Variants in KLHDC8A observed in about 807,000 individuals in gnomAD.
The protein encoded by KLHDC8A is kelch domain-containing protein 8A.
A neutral mutation model predicts 33.1 loss-of-function variants in KLHDC8A; 21 were observed. That is an observed-to-expected ratio of 0.64 (90% CI 0.45 to 0.91). The LOEUF is 0.91. Among genes scored for constraint, KLHDC8A ranks in the 40% least tolerant of loss-of-function variants. The pLI, the probability that KLHDC8A is intolerant of heterozygous loss-of-function variation, is 0.00. For missense variants in KLHDC8A, 435 were observed against 483.3 expected (o/e 0.90, Z 0.94); for synonymous variants, 173 against 193.5 (o/e 0.89, Z 0.88).
intron 1 of KLHDC8A, among the ~76,000 whole-genome samples, 166 bp downstream of exon 1, chr1:205,356,367 G>A (rs1663274925): frequency 6.6e-6 from 1 of 152,064 alleles, no homozygotes; most frequent in Non-Finnish European, 1.5e-5. Flanking sequence ...GAGAGGCCCA[G>A]CTGAGGAGAA....
intron 1 of KLHDC8A, among the ~76,000 whole-genome samples, chr1:205,353,745 ACACG>A (rs1441192710): frequency 6.6e-6 from 1 of 152,192 alleles, no homozygotes; most frequent in Non-Finnish European, 1.5e-5. Context: ...TGTTAAGTTG[ACACG>A]GCAATATCTA....
In KLHDC8A at chr1:205,351,601, T is replaced by TA. The variant is rs1558690257; in HGVS notation, c.-190+4931_-190+4932insT. ...TTTGTTAAATAAACTTCTGTAATAGTCAAAAAAAAAAAAAAAAAAAAGAGG... is the reference window on the plus strand; with the variant it reads ...TTTGTTAAATAAACTTCTGTAATAGTACAAAAAAAAAAAAAAAAAAAAGAGG... On this transcript the variant is annotated intron_variant, in intron 1 of 5. Transcript: ENST00000367155. The TA allele has an allele frequency of 3.8e-3, 972 of 258,044 alleles. 3 individuals carry two copies. The highest frequency in any genetic ancestry group is 6.1e-3 in the South Asian group (166 of 27,078). The allele number at this position is 258,044 out of a possible 1,614,324, so 16.0% of individuals were successfully genotyped here.
rs571306937 is a variant in KLHDC8A at position 205,339,132 on chromosome 1, T to C, written c.757+62A>G. ...AGATGGCTGGAATAGGGGTAAGGGA[T>C]GGGGAGCCAGCCAGAAGGGCAGTGG... is the stretch of plus-strand genomic sequence containing the variant. On this transcript the variant is annotated intron_variant, in intron 4 of 5. Coordinates refer to ENST00000367155, the MANE Select transcript of KLHDC8A (RefSeq NM_018203.3). The surrounding 1 kb of genome is among the most constrained non-coding windows in gnomAD (Gnocchi z 5.1). The C allele has an allele frequency of 2.1e-4, 298 of 1,420,708 alleles. 1 individual carries two copies. In the African/African-American group the frequency reaches 4.0e-3, roughly 19 times the overall value. 88.0% of individuals were successfully genotyped at this position (1,420,708 alleles called of 1,614,324 possible). A position where few individuals can be genotyped will look rare whatever the true frequency, so the allele number is the denominator to read the frequency against.
intron 1 of KLHDC8A, among the ~76,000 whole-genome samples, chr1:205,356,156 T>TAA (rs1663269253): frequency 6.6e-6 from 1 of 151,494 alleles, no homozygotes; most frequent in South Asian, 2.1e-4. Flanking sequence ...ATCCAGGGTT[T>TAA]ACCTCCCACG....
Position 205,343,755 on chromosome 1 carries a change from C to T in KLHDC8A, c.-151G>A, listed in dbSNP as rs1354447805. ...AGACCCCGGCCAGTGCTTCACCGTG[C>T]CCCGAGTCTCAGCGGTCCGGCGGCG... On this transcript the variant is annotated 5_prime_UTR_variant, in exon 2 of 6. Coordinates refer to ENST00000367155, the MANE Select transcript of KLHDC8A (RefSeq NM_018203.3). The T allele has an allele frequency of 4.7e-6, 4 of 842,698 alleles. No homozygotes were observed. The highest frequency in any genetic ancestry group is 3.5e-5 in the African/African-American group (2 of 56,764). The allele number at this position is 842,698 out of a possible 1,614,324, so 52.2% of individuals were successfully genotyped here. A position where few individuals can be genotyped will look rare whatever the true frequency, so the allele number is the denominator to read the frequency against.
chr1:205,347,312 G>A (rs1283998358), intron 1 of KLHDC8A, among the ~76,000 whole-genome samples: 7 of 152,176 alleles, frequency 4.6e-5, no homozygotes, highest in African/African-American at 9.7e-5. Context: ...CCCTATTCTA[G>A]TGTGTAACCA....
At chr1:205,337,802 G>A (rs1407830617) in intron 5 of KLHDC8A, among the ~76,000 whole-genome samples, 2 of 152,090 alleles carry the variant, frequency 1.3e-5, no homozygotes, top group Non-Finnish European at 2.9e-5. Context: ...CTCTTTAAGA[G>A]TAAGCTTTCT....
intron 1 of KLHDC8A, chr1:205,351,126 TC>T (rs1412423637): frequency 6.0e-5 from 39 of 655,444 alleles, no homozygotes; most frequent in Non-Finnish European, 8.6e-5. Context: ...CCCCGAAGAT[TC>T]CTCTTGTTTC....
chr1:205,342,243 T>G (rs1230340092), intron 2 of KLHDC8A, among the ~76,000 whole-genome samples: 4 of 152,240 alleles, frequency 2.6e-5, no homozygotes, highest in Non-Finnish European at 4.4e-5. Context: ...TGTTAGTTCT[T>G]AATCTTTCAA....
chr1:205,343,178 T>G (rs765507509), intron 2 of KLHDC8A, 51 bp downstream of exon 2: 1 of 1,533,158 alleles, frequency 6.5e-7, no homozygotes, highest in Non-Finnish European at 8.8e-7. Flanking sequence ...GTTTCCCTCC[T>G]GGCCCCCCAC....
At position 205,338,594 on chromosome 1, in the gene KLHDC8A, C is replaced by T; in HGVS notation, c.760G>A (p.Gly254Arg). Reference protein sequence around the residue: ...TMDVFDMEQGGWLKMERSFFL... With the variant: ...TMDVFDMEQGRWLKMERSFFL... ...AACGATCGTTCCATCTTCAGCCATCCCCCTATAGGCCATGGATAATGGTGG... is the reference window on the plus strand; with the variant it reads ...AACGATCGTTCCATCTTCAGCCATCTCCCTATAGGCCATGGATAATGGTGG... The change falls in exon 5 of 6, where the codon GGA becomes AGA. Residue 254 changes from glycine (G) to arginine (R), a missense_variant and splice_region_variant. Gly to Arg is a moderately radical substitution (Grantham distance 125). Coordinates refer to ENST00000367155, the MANE Select transcript of KLHDC8A (RefSeq NM_018203.3). 1 of 1,613,436 alleles carries T rather than the reference C, an allele frequency of 6.2e-7. No homozygotes were observed. Among genetic ancestry groups the T allele is most frequent in the Non-Finnish European group, 8.5e-7 (1 of 1,179,414 alleles).
At chr1:205,355,145 GTT>G (rs1663231933) in intron 1 of KLHDC8A, among the ~76,000 whole-genome samples, 2 of 152,142 alleles carry the variant, frequency 1.3e-5, no homozygotes, top group African/African-American at 2.4e-5. Context: ...TTATTCCAGT[GTT>G]CACAGTGTCA....
rs1340581208 is a variant in KLHDC8A, at chr1:205,339,733, A to T, written c.452T>A (p.Leu151Gln). ...PHNHLQHYDM[L>Q]KDMWVSLAPM... ...TGCTAGGGACACCCACATGTCCTTC[A>T]GCATGTCATAGTGTTGGAGGTGGTT... is the stretch of plus-strand genomic sequence containing the variant. The change falls in exon 3 of 6, where the codon CTG becomes CAG. Residue 151 changes from leucine to glutamine, a missense_variant. By Grantham distance (113) the Leu-to-Gln change is moderately radical. Coordinates refer to ENST00000367155, the MANE Select transcript of KLHDC8A (RefSeq NM_018203.3). This position sits in a 1 kb window ranked among gnomAD's most constrained non-coding sequence, Gnocchi z 5.1. 6.2e-7 allele frequency: 1 copy of T among 1,614,128 alleles called. No homozygotes were observed. The highest frequency in any genetic ancestry group is 8.5e-7 in the Non-Finnish European group (1 of 1,179,994).
chr1:205,351,482 T>G, intron 1 of KLHDC8A: 1 of 778,790 alleles, frequency 1.3e-6, no homozygotes, highest in Non-Finnish European at 2.4e-6. Context: ...GTATAAATAA[T>G]GGCTGGTCAG....
rs1238191757 is a variant in KLHDC8A, at chr1:205,343,463, A to G, written c.142T>C (p.Cys48Arg). Reference protein sequence around the residue: ...GCDDNGVPMDCFEVYSPEADQ... With the variant: ...GCDDNGVPMDRFEVYSPEADQ... ...GCCTCCGGGGAGTAGACCTCGAAGCAGTCCATGGGGACGCCGTTGTCGTCA... is the reference window on the plus strand; with the variant it reads ...GCCTCCGGGGAGTAGACCTCGAAGCGGTCCATGGGGACGCCGTTGTCGTCA... Residue 48 changes from cysteine (C) to arginine (R), a missense_variant, in exon 2 of 6, where the codon TGC becomes CGC. By Grantham distance (180) the Cys-to-Arg change is radical. Coordinates refer to ENST00000367155, the MANE Select transcript of KLHDC8A (RefSeq NM_018203.3). The G allele has an allele frequency of 1.2e-6, 2 of 1,613,470 alleles. No individual in the cohort carries two copies. Among genetic ancestry groups the G allele is most frequent in the Non-Finnish European group, 1.7e-6 (2 of 1,179,900 alleles).
chr1:205,343,713 G>T lies in KLHDC8A; in HGVS notation c.-109C>A. On this transcript the variant is annotated 5_prime_UTR_variant, in exon 2 of 6. Coordinates refer to ENST00000367155, the MANE Select transcript of KLHDC8A (RefSeq NM_018203.3). Reference sequence around the variant, plus strand: ...CTATCGCCACCTCCATCTGGCTCCCGAGCGCCGGACCCAGCCAGACCCCGG... The same window carrying T: ...CTATCGCCACCTCCATCTGGCTCCCTAGCGCCGGACCCAGCCAGACCCCGG... 1 of 1,253,208 alleles carries T rather than the reference G, an allele frequency of 8.0e-7. No individual in the cohort carries two copies. Among genetic ancestry groups the T allele is most frequent in the Non-Finnish European group, 1.1e-6 (1 of 929,946 alleles). 77.6% of individuals were successfully genotyped at this position (1,253,208 alleles called of 1,614,324 possible).
intron 1 of KLHDC8A, among the ~76,000 whole-genome samples, chr1:205,345,528 A>G (rs1662923010): frequency 6.6e-6 from 1 of 152,154 alleles, no homozygotes; most frequent in South Asian, 2.1e-4. Flanking sequence ...ACTTGAGGTC[A>G]GGAGTTCCAG....
intron 5 of KLHDC8A, 68 bp from the exon 6 acceptor site, chr1:205,337,660 C>T: frequency 8.5e-7 from 1 of 1,177,538 alleles, no homozygotes; most frequent in African/African-American, 1.5e-5. Context: ...CACGGTCACC[C>T]CACCTCCCTC....
chr1:205,343,372 C>G lies in KLHDC8A; in HGVS notation c.233G>C (p.Gly78Ala). Residue 78 changes from glycine (G) to alanine (A), a missense_variant, in exon 2 of 6, where the codon GGG (glycine) becomes GCG (alanine). Physicochemically the swap from Gly to Ala is moderately conservative, Grantham distance 60. Transcript: ENST00000367155. Reference sequence around the variant, plus strand: ...GCCCCCAATCACCATGATCCGCTTCCCCAGGGCGGTGACGGCCACCCCCGC... The same window carrying G: ...GCCCCCAATCACCATGATCCGCTTCGCCAGGGCGGTGACGGCCACCCCCGC... ...ARAGVAVTAL[G>A]KRIMVIGGVG... 1 of 1,613,744 alleles carries G rather than the reference C, an allele frequency of 6.2e-7. No individual in the cohort carries two copies. The highest frequency in any genetic ancestry group is 8.5e-7 in the Non-Finnish European group (1 of 1,179,940).
Sources: gnomAD v4.1 joint callset for allele counts (sites outside exome capture counted in the v4.1 genomes callset) on GRCh38, gnomAD v4.1.1 for gene constraint, Gnocchi (gnomAD v3.1) non-coding constraint, MANE v1.5 for transcripts, NCBI Gene and HGNC (gene_info 2026-07-23, HGNC 2026-07-21) for gene names.